PI4KA: variants seen among roughly 807,000 people sequenced by gnomAD.
PI4KA encodes phosphatidylinositol 4-kinase alpha, also known as PI4-kinase alpha.
Under a neutral mutation model 271.4 loss-of-function variants are expected in PI4KA, and 122 were observed. That is an observed-to-expected ratio of 0.45 (90% CI 0.39 to 0.52). PI4KA has a LOEUF of 0.52. Ranked by LOEUF, PI4KA falls within the 20% of genes least tolerant of loss-of-function variation. The pLI, the probability that PI4KA is intolerant of heterozygous loss-of-function variation, is 0.00. For synonymous variants in PI4KA, 1,041 were observed against 1,078.8 expected, an observed-to-expected ratio of 0.96 and a Z score of 0.69; for missense variants, 1,969 against 2,769.1, an observed-to-expected ratio of 0.71 and a Z score of 6.48.
At chr22:20,743,456 A>G (rs986956328) in intron 30 of PI4KA, among the ~76,000 whole-genome samples, 10 of 147,728 alleles carry the variant, frequency 6.8e-5, no homozygotes, top group African/African-American at 2.5e-4. Flanking sequence ...CCTTACTATT[A>G]TTAATAATTT....
intron 32 of PI4KA, among the ~76,000 whole-genome samples, chr22:20,737,307 T>C (rs1928845196): frequency 1.3e-5 from 2 of 152,202 alleles, no homozygotes; most frequent in Admixed American, 1.3e-4. Flanking sequence ...GAACAGCTGC[T>C]TTCAAGACCC....
rs773871050 is a variant in PI4KA, at chr22:20,798,565, G to A, written c.2108+19C>T. On this transcript the variant is annotated intron_variant, in intron 17 of 54. Transcript: ENST00000255882. ...TTAAATACTGTCATGATAAAAAAGT[G>A]ACAATGAGGTCCAGTTACCTATAGC... 9.3e-6 allele frequency: 13 copies of A among 1,396,790 alleles called. No individual in the cohort carries two copies. Among genetic ancestry groups the A allele is most frequent in the Non-Finnish European group, 1.2e-5 (12 of 981,862 alleles). 86.5% of individuals were successfully genotyped at this position (1,396,790 alleles called of 1,614,324 possible).
intron 16 of PI4KA, 99 bp from the exon 17 acceptor site, chr22:20,798,786 C>G: frequency 1.2e-6 from 1 of 828,978 alleles, no homozygotes; most frequent in Non-Finnish European, 2.1e-6. Flanking sequence ...TGGGGCACAA[C>G]AGCCCAAAGA....
At chr22:20,804,674 A>G (rs924100914) in intron 11 of PI4KA, among the ~76,000 whole-genome samples, 1 of 152,198 alleles carries the variant, frequency 6.6e-6, no homozygotes, top group African/African-American at 2.4e-5. Flanking sequence ...CTGAGCTTCC[A>G]TGTCACCACA....
intron 19 of PI4KA, chr22:20,783,910 A>T: frequency 6.2e-7 from 1 of 1,606,272 alleles, no homozygotes; most frequent in Admixed American, 1.7e-5. Flanking sequence ...TTCACTCTCA[A>T]GGGTGAGACG....
At chr22:20,786,884 C>G in intron 19 of PI4KA, 1 of 1,614,150 alleles carries the variant, frequency 6.2e-7, no homozygotes, top group Non-Finnish European at 8.5e-7. Context: ...GTTCAAGCAC[C>G]AAGGCACGAT....
In PI4KA at chr22:20,761,364, C is replaced by G; in HGVS notation, c.2731G>C (p.Asp911His). ...TAGCAGAACATTACCTGGAAGCGAT[C>G]AGGATCTGTTGAACGCAGTACCCTA... Reference protein sequence around the residue: ...YMRVLRSTDPDRFQVMFCYFE... With the variant: ...YMRVLRSTDPHRFQVMFCYFE... Residue 911 changes from aspartate to histidine, a missense_variant, in exon 23 of 55, where the codon GAT (aspartate) becomes CAT (histidine). By Grantham distance (81) the Asp-to-His change is moderately conservative. Coordinates refer to ENST00000255882, the MANE Select transcript of PI4KA (RefSeq NM_058004.4). 2 of 1,612,322 alleles carry G rather than the reference C, an allele frequency of 1.2e-6. No individual in the cohort carries two copies. Among genetic ancestry groups the G allele is most frequent in the South Asian group, 2.2e-5 (2 of 91,040 alleles).
chr22:20,779,429 TC>T (rs753657428), intron 19 of PI4KA: 1 of 1,614,148 alleles, frequency 6.2e-7, no homozygotes, highest in Non-Finnish European at 8.5e-7. Flanking sequence ...AGTCTGCAGA[TC>T]CCCAGTGGGA....
chr22:20,745,161 G>C (rs1013111852), intron 29 of PI4KA, among the ~76,000 whole-genome samples: 1 of 152,160 alleles, frequency 6.6e-6, no homozygotes, highest in Non-Finnish European at 1.5e-5. Context: ...TCAGTCTAAT[G>C]GGAAGAGACA....
intron 19 of PI4KA, chr22:20,779,344 TC>T (rs766120104): frequency 1.2e-6 from 2 of 1,614,240 alleles, no homozygotes; most frequent in Non-Finnish European, 1.7e-6. Context: ...CTTCTCATTT[TC>T]CTCATCATAA....
intron 9 of PI4KA, among the ~76,000 whole-genome samples, chr22:20,809,008 C>T (rs1453252181): frequency 1.3e-5 from 2 of 151,990 alleles, no homozygotes; most frequent in Admixed American, 6.6e-5. Context: ...GAGAGTCATG[C>T]CAATTCCCAG....
rs200726040 is a variant in PI4KA at position 20,709,984 on chromosome 22, C to T, written c.6097G>A (p.Ala2033Thr). Residue 2033 changes from alanine to threonine, a missense_variant, in exon 53 of 55, where the codon GCG becomes ACG. Physicochemically the swap from Ala to Thr is moderately conservative, Grantham distance 58. Around this residue, in one of 13 missense-constraint regions of PI4KA, gnomAD observed 110 missense variants for 349.8 expected, o/e 0.31. Coordinates refer to ENST00000255882, the MANE Select transcript of PI4KA (RefSeq NM_058004.4). ...ATGAGAGTGACCAGGGAGACGACCGCGTCCATGTAGGGCCTGGGGAGAGAT... is the reference window on the plus strand; with the variant it reads ...ATGAGAGTGACCAGGGAGACGACCGTGTCCATGTAGGGCCTGGGGAGAGAT... ...GYLAVRPYMD[A>T]VVSLVTLMLD... The T allele has an allele frequency of 1.7e-5, 27 of 1,613,088 alleles. No homozygotes were observed. Among genetic ancestry groups the T allele is most frequent in the Non-Finnish European group, 2.2e-5 (26 of 1,179,106 alleles).
At chr22:20,776,193 C>T (rs915694672) in intron 19 of PI4KA, among the ~76,000 whole-genome samples, 2 of 152,096 alleles carry the variant, frequency 1.3e-5, no homozygotes, top group African/African-American at 4.8e-5. Flanking sequence ...TTTGGTGGCA[C>T]ACACCTGTGG....
At chr22:20,837,770 T>C (rs114457329) in intron 2 of PI4KA, among the ~76,000 whole-genome samples, 68 of 152,260 alleles carry the variant, frequency 4.5e-4, no homozygotes, top group African/African-American at 1.6e-3. Flanking sequence ...AGTCACACTA[T>C]TTTTTTGTTG....
At chr22:20,718,659 T>G (rs1400711275) in intron 44 of PI4KA, 34 bp downstream of exon 44, 1 of 1,610,420 alleles carries the variant, frequency 6.2e-7, no homozygotes, top group Non-Finnish European at 8.5e-7. Flanking sequence ...TGGAAGGAGA[T>G]CCCAGAAGGT....
chr22:20,787,888 G>A (rs893405661), intron 19 of PI4KA, among the ~76,000 whole-genome samples: 6 of 152,216 alleles, frequency 3.9e-5, no homozygotes, highest in Non-Finnish European at 8.8e-5. Flanking sequence ...GAATCCTGGG[G>A]AGGGTCTGTG....
chr22:20,855,079 G>A (rs1472054846), intron 1 of PI4KA, among the ~76,000 whole-genome samples: 2 of 151,616 alleles, frequency 1.3e-5, no homozygotes, highest in African/African-American at 2.4e-5. Context: ...TTGAACCCGG[G>A]AGGTGGAGGT....
chr22:20,791,175 A>G (rs1327552413), intron 19 of PI4KA, among the ~76,000 whole-genome samples: 3 of 152,206 alleles, frequency 2.0e-5, no homozygotes, highest in African/African-American at 7.2e-5. Flanking sequence ...TAAGCTCTAA[A>G]TGACAACTGC....
chr22:20,757,551 C>CTT (rs368768887), intron 23 of PI4KA, among the ~76,000 whole-genome samples: 199 of 146,450 alleles, frequency 1.4e-3, no homozygotes, highest in Non-Finnish European at 2.6e-3. Flanking sequence ...GTTCTCCTTC[C>CTT]TTTTTTTTTT....
Sources: allele counts gnomAD v4.1 joint callset (sites outside exome capture counted in the v4.1 genomes callset), GRCh38; gene constraint gnomAD v4.1.1; regional missense constraint gnomAD v4.1.1; transcripts MANE v1.5; gene names NCBI Gene and HGNC (gene_info 2026-07-23, HGNC 2026-07-21).